ABCC5: variants seen among roughly 807,000 people sequenced by gnomAD.
The protein encoded by ABCC5 is ATP-binding cassette sub-family C member 5.
ABCC5 carries 61 observed loss-of-function variants against 160.9 expected under a neutral mutation model. That is an observed-to-expected ratio of 0.38 (90% confidence interval 0.31 to 0.47). ABCC5 has a LOEUF of 0.47. Ranked by LOEUF, ABCC5 falls within the 20% of genes least tolerant of loss-of-function variation. The pLI, the probability that ABCC5 is intolerant of heterozygous loss-of-function variation, is 0.99. For missense variants in ABCC5, 1,308 were observed against 1,813.3 expected (o/e 0.72, Z 5.06); for synonymous variants, 666 against 700.6 (o/e 0.95, Z 0.78).
In ABCC5 at chr3:183,949,065, C is replaced by T. The variant is rs984211686; in HGVS notation, c.3227+688G>A. On this transcript the variant is annotated intron_variant, in intron 22 of 29. Coordinates refer to ENST00000334444, the MANE Select transcript of ABCC5 (RefSeq NM_005688.4). This position sits in a 1 kb window ranked among gnomAD's most constrained non-coding sequence, Gnocchi z 4.2. ...AAAGGTAGCATACAATATATTAATA[C>T]ACACATCTGTACTCTGCTGTTTCAC... Among the ~76,000 whole-genome samples, 6 of 152,164 alleles carry T rather than the reference C, an allele frequency of 3.9e-5. No individual in the cohort carries two copies. The highest frequency in any genetic ancestry group is 1.4e-4 in the African/African-American group (6 of 41,444).
At chr3:183,925,197 A>C (rs1577445569) in intron 29 of ABCC5, among the ~76,000 whole-genome samples, 1 of 152,220 alleles carries the variant, frequency 6.6e-6, no homozygotes, top group African/African-American at 2.4e-5. Context: ...ACCAGGGATG[A>C]TAATTGTGTA....
intron 29 of ABCC5, among the ~76,000 whole-genome samples, chr3:183,922,057 ATAAATAAATAAATAAATAAAT>A (rs1317261418): frequency 0.01 from 1,523 of 151,094 alleles, 103 homozygotes; most frequent in Admixed American, 0.094. Flanking sequence ...AAATAAATAA[ATAAATAAATAAATAAATAAAT>A]AAAAAACAAC....
At chr3:183,999,524 A>G (rs950014088) in intron 2 of ABCC5, among the ~76,000 whole-genome samples, 3 of 152,160 alleles carry the variant, frequency 2.0e-5, no homozygotes, top group Admixed American at 6.5e-5. Context: ...TCACACCTGT[A>G]ATCTCAGCAC....
chr3:184,002,469 CA>C (rs1339284717), intron 2 of ABCC5, among the ~76,000 whole-genome samples: 2 of 151,848 alleles, frequency 1.3e-5, no homozygotes, highest in Non-Finnish European at 2.9e-5. Context: ...AAGGTTCAAA[CA>C]AAGATCAGGG....
intron 10 of ABCC5, among the ~76,000 whole-genome samples, chr3:183,975,467 G>A (rs1001783196): frequency 4.0e-5 from 6 of 151,566 alleles, no homozygotes; most frequent in Admixed American, 1.3e-4. Flanking sequence ...TCAGCCTCCC[G>A]AGTAGCTGGG....
In ABCC5 at chr3:183,927,597, T is replaced by C. The variant is rs997806144; in HGVS notation, c.3934-154A>G. 4.1e-6 allele frequency: 4 copies of C among 985,350 alleles called. No homozygotes were observed. The South Asian group carries it at 1.4e-4, about 35-fold the overall frequency. The allele number at this position is 985,350 out of a possible 1,614,324, so 61.0% of individuals were successfully genotyped here. ...AATGAAGGTGCAGGTGTACTGATCA[T>C]GCGTGCTAGGACCCACTTCCAAGGC... On this transcript the variant is annotated intron_variant, in intron 27 of 29. Transcript: ENST00000334444.
chr3:183,987,742 A>C lies in ABCC5; in HGVS notation c.591+28T>G. 6.2e-7 allele frequency: 1 copy of C among 1,614,094 alleles called. No individual in the cohort carries two copies. The highest frequency in any genetic ancestry group is 1.7e-5 in the Admixed American group (1 of 60,012). On this transcript the variant is annotated intron_variant, in intron 5 of 29. Transcript: ENST00000334444. This position sits in a 1 kb window ranked among gnomAD's most constrained non-coding sequence, Gnocchi z 4.2. ...GCTGGCCGTGGCCGGGCCCCTGGAG[A>C]CTGTCGGAAAGGATGGTTAGAACTT...
At position 183,953,227 on chromosome 3, in the gene ABCC5, G is replaced by C. The variant is rs754730853; in HGVS notation, c.2526C>G (p.Pro842=). The C allele has an allele frequency of 1.9e-6, 3 of 1,613,930 alleles. No homozygotes were observed. The highest frequency in any genetic ancestry group is 2.5e-6 in the Non-Finnish European group (3 of 1,179,898). Residue 842 remains proline, a synonymous_variant, in exon 18 of 30, where the codon CCC becomes CCG. Coordinates refer to ENST00000334444, the MANE Select transcript of ABCC5 (RefSeq NM_005688.4). ...QLEEKGQGSV[P]WSVYGVYIQA... The stretch of plus-strand genomic sequence containing the variant: ...GGATGTAGACACCATATACTGACCA[G>C]GGCACTGAACCCTGCCCTTTCTCTT...
intron 25 of ABCC5, among the ~76,000 whole-genome samples, chr3:183,941,652 G>A (rs1714362291): frequency 6.6e-6 from 1 of 151,878 alleles, no homozygotes; most frequent in African/African-American, 2.4e-5. Context: ...AGTAAAAGAA[G>A]ACAAGTTCAG....
intron 23 of ABCC5, among the ~76,000 whole-genome samples, 177 bp downstream of exon 23, chr3:183,947,147 C>T (rs1438696519): frequency 1.3e-5 from 2 of 152,216 alleles, no homozygotes; most frequent in African/African-American, 4.8e-5. Context: ...TCTCTCCTAT[C>T]CCTACCTGCC....
intron 2 of ABCC5, chr3:184,001,128 T>C (rs949665272): frequency 2.4e-6 from 1 of 417,884 alleles, no homozygotes; most frequent in African/African-American, 2.0e-5. Flanking sequence ...TGGCACGAGA[T>C]TGTAGTCCTA....
chr3:183,927,949 AC>A, intron 27 of ABCC5: 1 of 419,802 alleles, frequency 2.4e-6, no homozygotes, highest in South Asian at 1.0e-4. Flanking sequence ...TCCTGACTCA[AC>A]CCAGGCATAA....
At chr3:184,014,203 C>A (rs371353013) in intron 2 of ABCC5, 61 bp downstream of exon 2, 14 of 1,513,218 alleles carry the variant, frequency 9.3e-6, no homozygotes, top group Admixed American at 1.9e-5. Flanking sequence ...ACCCATTATA[C>A]GAAAAAAGAT....
At chr3:184,008,595 G>A (rs1389195828) in intron 2 of ABCC5, among the ~76,000 whole-genome samples, 3 of 152,204 alleles carry the variant, frequency 2.0e-5, no homozygotes. Flanking sequence ...GGGTAGATGT[G>A]CGAATGCTTT....
At chr3:184,009,844 G>C (rs1165879557) in intron 2 of ABCC5, 1 of 278,480 alleles carries the variant, frequency 3.6e-6, no homozygotes, top group Non-Finnish European at 7.4e-6. Context: ...CAGGAAAACA[G>C]TACTCAAATT....
intron 2 of ABCC5, among the ~76,000 whole-genome samples, chr3:183,993,212 C>T (rs1719936823): frequency 6.6e-6 from 1 of 152,114 alleles, no homozygotes; most frequent in South Asian, 2.1e-4. Flanking sequence ...GGGCTGGGCG[C>T]AGTGGCTCAC....
chr3:183,956,663 C>T (rs1261597631), intron 17 of ABCC5, among the ~76,000 whole-genome samples: 1 of 130,986 alleles, frequency 7.6e-6, no homozygotes, highest in Non-Finnish European at 1.6e-5. Flanking sequence ...CATGCAGATC[C>T]GTGTGTATAT....
intron 2 of ABCC5, among the ~76,000 whole-genome samples, chr3:183,996,096 C>T (rs981560077): frequency 6.6e-6 from 1 of 152,088 alleles, no homozygotes; most frequent in Non-Finnish European, 1.5e-5. Context: ...TGTAAGCCAC[C>T]GTGTCCGGCC....
At chr3:183,940,606 T>C (rs1276574390) in intron 25 of ABCC5, among the ~76,000 whole-genome samples, 1 of 151,376 alleles carries the variant, frequency 6.6e-6, no homozygotes, top group Non-Finnish European at 1.5e-5. Flanking sequence ...AAGGAAGGAA[T>C]GGTGCCCGAA....
Sources: gnomAD v4.1 joint callset for allele counts (sites outside exome capture counted in the v4.1 genomes callset) on GRCh38, gnomAD v4.1.1 for gene constraint, Gnocchi (gnomAD v3.1) non-coding constraint, MANE v1.5 for transcripts, NCBI Gene and HGNC (gene_info 2026-07-23, HGNC 2026-07-21) for gene names.